The following VPS13C variants were observed in gnomAD, a reference collection of about 807,000 sequenced individuals.
The protein encoded by VPS13C is vacuolar protein sorting 13 homolog C, also known as intermembrane lipid transfer protein VPS13C.
Under a neutral mutation model 456.8 loss-of-function variants are expected in VPS13C, and 358 were observed. The ratio of observed to expected loss-of-function variants is 0.78; its 90% confidence interval spans 0.72 to 0.86. The LOEUF (loss-of-function observed/expected upper bound fraction) is 0.86, where lower values mean the gene tolerates loss of function less well. Among genes scored for constraint, VPS13C ranks in the 40% least tolerant of loss-of-function variants. The pLI is 0.00. For synonymous variants in VPS13C, 1,578 were observed against 1,486.7 expected (o/e 1.06, Z -1.41); for missense variants, 4,818 against 4,385.4 (o/e 1.10, Z -2.79).
chr15:61,938,025 A>G (rs1031248629), intron 47 of VPS13C, among the ~76,000 whole-genome samples: 1 of 152,132 alleles, frequency 6.6e-6, no homozygotes, highest in African/African-American at 2.4e-5. Context: ...ATGTCCCCCA[A>G]ATTAGGTCCC....
chr15:61,917,697 A>G, intron 59 of VPS13C, 62 bp from the exon 60 acceptor site: 1 of 1,519,472 alleles, frequency 6.6e-7, no homozygotes, highest in South Asian at 1.3e-5. Context: ...AAAGCATCTC[A>G]TTAAATCTTC....
At chr15:62,027,679 T>G (rs2047681305) in intron 6 of VPS13C, among the ~76,000 whole-genome samples, 1 of 152,140 alleles carries the variant, frequency 6.6e-6, no homozygotes, top group African/African-American at 2.4e-5. Flanking sequence ...GCTCTTGAAG[T>G]ATGATATAAA....
At chr15:61,909,681 A>G (rs1056632532) in intron 64 of VPS13C, among the ~76,000 whole-genome samples, 1 of 152,242 alleles carries the variant, frequency 6.6e-6, no homozygotes, top group Admixed American at 6.5e-5. Flanking sequence ...TTATTTTAAA[A>G]TATGAAAACT....
At chr15:62,037,593 T>C (rs1035539702) in intron 3 of VPS13C, among the ~76,000 whole-genome samples, 2 of 149,846 alleles carry the variant, frequency 1.3e-5, no homozygotes, top group African/African-American at 4.9e-5. Flanking sequence ...TCAATCTATG[T>C]TCCAATTTTA....
intron 9 of VPS13C, among the ~76,000 whole-genome samples, chr15:62,019,719 A>G (rs1026284192): frequency 6.6e-6 from 1 of 151,956 alleles, no homozygotes; most frequent in Non-Finnish European, 1.5e-5. Flanking sequence ...TATGTGGTCA[A>G]TTTTGGAATA....
At chr15:61,978,580 C>G in intron 23 of VPS13C, 46 bp downstream of exon 23, 1 of 1,589,922 alleles carries the variant, frequency 6.3e-7, no homozygotes, top group African/African-American at 1.3e-5. Flanking sequence ...ATTACACAAA[C>G]TACCCATCAT....
At chr15:61,888,223 G>C (rs1445519594) in intron 67 of VPS13C, among the ~76,000 whole-genome samples, 1 of 152,104 alleles carries the variant, frequency 6.6e-6, no homozygotes, top group African/African-American at 2.4e-5. Flanking sequence ...GGAGCAACAG[G>C]AACTCCCATT....
At chr15:62,056,894 ACACGTGACC>A (rs1163432689) in intron 1 of VPS13C, among the ~76,000 whole-genome samples, 1 of 152,142 alleles carries the variant, frequency 6.6e-6, no homozygotes, top group East Asian at 1.9e-4. Flanking sequence ...TGTCCTGTGG[ACACGTGACC>A]CACGTGACCT....
chr15:61,876,194 A>G (rs1895411221), intron 75 of VPS13C, among the ~76,000 whole-genome samples: 1 of 151,970 alleles, frequency 6.6e-6, no homozygotes, highest in Non-Finnish European at 1.5e-5. Flanking sequence ...ACAGTTTAGG[A>G]GACTGAGATG....
intron 49 of VPS13C, among the ~76,000 whole-genome samples, chr15:61,932,069 T>C (rs182759936): frequency 9.8e-4 from 149 of 152,338 alleles, no homozygotes; most frequent in African/African-American, 3.0e-3. Context: ...TGATTAAATA[T>C]TTTGTGACAT....
chr15:62,058,929 CAAA>C (rs10536013), intron 1 of VPS13C, among the ~76,000 whole-genome samples: 12 of 141,866 alleles, frequency 8.5e-5, no homozygotes, highest in African/African-American at 2.1e-4. Context: ...AAAGACAAGC[CAAA>C]AAAAAAAAAC....
rs1393194344 is a variant in VPS13C, at chr15:61,947,313, A to C, written c.4760-4T>G. ...TTTTGGGAAATGTTGCTGGATACTA[A>C]AAAATAATAGAAACCTTCTGATGAG... is the stretch of plus-strand genomic sequence containing the variant. On this transcript the variant is annotated splice_region_variant and splice_polypyrimidine_tract_variant and intron_variant, in intron 42 of 84. Transcript: ENST00000644861. 6.3e-7 allele frequency: 1 copy of C among 1,596,760 alleles called. No individual in the cohort carries two copies. The highest frequency in any genetic ancestry group is 8.6e-7 in the Non-Finnish European group (1 of 1,168,464).
In VPS13C at chr15:62,052,672, C is replaced by CAAAA. The variant is rs35444089; in HGVS notation, c.100+7599_100+7602dup. Among the ~76,000 whole-genome samples, 101 of 70,506 alleles carry CAAAA rather than the reference C, an allele frequency of 1.4e-3. 1 individual carries two copies. Among genetic ancestry groups the CAAAA allele is most frequent in the African/African-American group, 2.8e-3 (48 of 17,062 alleles). 46.3% of individuals were successfully genotyped at this position (70,506 alleles called of 152,430 possible). On this transcript the variant is annotated intron_variant, in intron 1 of 84. Coordinates refer to ENST00000644861, the MANE Select transcript of VPS13C (RefSeq NM_020821.3). ...TGGGCGACAAAGCAAGACTCCGTCT[C>CAAAA]AAAAAAAAAAAAAAAAAAAAAAGAA... is the stretch of plus-strand genomic sequence containing the variant.
chr15:62,020,859 T>A (rs1313170133), intron 8 of VPS13C, among the ~76,000 whole-genome samples: 1 of 151,932 alleles, frequency 6.6e-6, no homozygotes, highest in Non-Finnish European at 1.5e-5. Context: ...TAATCAAAGA[T>A]TTTTTCACAG....
chr15:61,934,249 G>C lies in VPS13C; in HGVS notation c.5838C>G (p.Ser1946=), dbSNP rs1486512816. The change falls in exon 49 of 85, where the codon TCC becomes TCG. Residue 1946 remains serine (S), a synonymous_variant. Coordinates refer to ENST00000644861, the MANE Select transcript of VPS13C (RefSeq NM_020821.3). ...LQFDFHFESL[S]IILYNNDINQ... is the part of the protein sequence containing the mutation. Reference sequence around the variant, plus strand: ...TGATATCATTGTTATAAAGGATAATGGAAAGAGATTCAAAGTGAAAGTCAA... The same window carrying C: ...TGATATCATTGTTATAAAGGATAATCGAAAGAGATTCAAAGTGAAAGTCAA... 3.8e-6 allele frequency: 6 copies of C among 1,596,508 alleles called. No individual in the cohort carries two copies. In the African/African-American group the frequency reaches 8.1e-5, roughly 21 times the overall value.
At chr15:61,956,258 A>T (rs1212273752) in intron 37 of VPS13C, among the ~76,000 whole-genome samples, 1 of 151,914 alleles carries the variant, frequency 6.6e-6, no homozygotes, top group East Asian at 1.9e-4. Flanking sequence ...TCTCACTCGT[A>T]AGTGGGAGCT....
intron 15 of VPS13C, among the ~76,000 whole-genome samples, chr15:62,002,774 G>A (rs1024691321): frequency 3.9e-4 from 60 of 152,234 alleles, no homozygotes; most frequent in African/African-American, 1.4e-3. Flanking sequence ...TATTAAATAG[G>A]GAATCCTTTC....
Position 61,884,149 on chromosome 15 carries a change from A to C in VPS13C, c.9462T>G (p.Ile3154Met). ...KHQISRDHGW[I>M]KLDNNFEVNF... ...ATACCTCAAAATTATTATCTAGCTT[A>C]ATCCAGCCATGGTCTCTTGATATTT... The change falls in exon 68 of 85, where the codon ATT becomes ATG. Residue 3154 changes from isoleucine (I) to methionine (M), a missense_variant. Coordinates refer to ENST00000644861, the MANE Select transcript of VPS13C (RefSeq NM_020821.3). The C allele has an allele frequency of 6.3e-7, 1 of 1,597,900 alleles. No homozygotes were observed. Among genetic ancestry groups the C allele is most frequent in the Non-Finnish European group, 8.5e-7 (1 of 1,174,442 alleles).
intron 33 of VPS13C, 21 bp from the exon 34 acceptor site, chr15:61,962,559 T>A: frequency 6.2e-7 from 1 of 1,601,826 alleles, no homozygotes; most frequent in Non-Finnish European, 8.5e-7. Flanking sequence ...GAGACTTGAA[T>A]GTACTCTATC....
Sources: allele counts gnomAD v4.1 joint callset (sites outside exome capture counted in the v4.1 genomes callset), GRCh38; gene constraint gnomAD v4.1.1; transcripts MANE v1.5; gene names NCBI Gene and HGNC (gene_info 2026-07-23, HGNC 2026-07-21).